ANKH: variants seen among roughly 807,000 people sequenced by gnomAD.
The protein encoded by ANKH is mineralization regulator ANKH.
Under a neutral mutation model 49.0 loss-of-function variants are expected in ANKH, and 15 were observed. The observed-to-expected ratio is 0.31, with a 90% confidence interval of 0.20 to 0.47. ANKH has a LOEUF of 0.47. ANKH is among the 20% of genes least tolerant of loss of function. ANKH has a pLI of 1.00. For synonymous variants in ANKH, 273 were observed against 260.0 expected (o/e 1.05, Z -0.48); for missense variants, 429 against 652.0 (o/e 0.66, Z 3.72).
At chr5:14,712,784 G>T in intron 11 of ANKH, 90 bp downstream of exon 11, 2 of 1,306,690 alleles carry the variant, frequency 1.5e-6, no homozygotes, top group Non-Finnish European at 2.2e-6. Flanking sequence ...ACTGACGAAC[G>T]CCACCATCCA....
At chr5:14,720,380 T>C (rs982871550) in intron 8 of ANKH, among the ~76,000 whole-genome samples, 3 of 152,214 alleles carry the variant, frequency 2.0e-5, no homozygotes, top group African/African-American at 7.2e-5. Context: ...CTGTCATCTT[T>C]TCCCACTGCA....
intron 8 of ANKH, among the ~76,000 whole-genome samples, chr5:14,728,576 G>A (rs1021353209): frequency 6.6e-6 from 1 of 152,190 alleles, no homozygotes; most frequent in Non-Finnish European, 1.5e-5. Context: ...CAAACAGGCC[G>A]TCTTTGTTCC....
intron 1 of ANKH, among the ~76,000 whole-genome samples, chr5:14,845,789 T>TA (rs1741941476): frequency 6.7e-6 from 1 of 149,026 alleles, no homozygotes; most frequent in African/African-American, 2.5e-5. Flanking sequence ...GAGCCAAAGG[T>TA]AACAGATCAC....
At chr5:14,813,377 T>C (rs79411138) in intron 1 of ANKH, among the ~76,000 whole-genome samples, 2,475 of 152,260 alleles carry the variant, frequency 0.016, 72 homozygotes, top group African/African-American at 0.057. Context: ...GCAAAAGTAC[T>C]TGCAGATTAT....
intron 1 of ANKH, among the ~76,000 whole-genome samples, chr5:14,823,055 ATTAAT>A (rs1741242405): frequency 6.6e-6 from 1 of 152,170 alleles, no homozygotes; most frequent in African/African-American, 2.4e-5. Flanking sequence ...AAATACTGTA[ATTAAT>A]TTAAGGTTAT....
At chr5:14,825,180 C>T (rs1185749834) in intron 1 of ANKH, among the ~76,000 whole-genome samples, 2 of 152,202 alleles carry the variant, frequency 1.3e-5, no homozygotes, top group African/African-American at 2.4e-5. Context: ...ACAAAAACGA[C>T]TGGGCAAATA....
At chr5:14,836,849 T>C (rs1490865122) in intron 1 of ANKH, among the ~76,000 whole-genome samples, 1 of 152,094 alleles carries the variant, frequency 6.6e-6, no homozygotes, top group African/African-American at 2.4e-5. Context: ...GGAGGCATCA[T>C]GCTACCTGAC....
Position 14,745,248 on chromosome 5 carries a change from A to G in ANKH, c.915+622T>C, listed in dbSNP as rs153926. Among the ~76,000 whole-genome samples, 28,446 of 152,246 alleles carry G rather than the reference A, an allele frequency of 0.19. 2,850 individuals carry two copies. The highest frequency in any genetic ancestry group is 0.24 in the African/African-American group (10,121 of 41,534). ...TATTAAAAAAAGTCTATAGGTTTAA[A>G]TGATAACGCTATAAAATAGACTTTA... On this transcript the variant is annotated intron_variant, in intron 7 of 11. Transcript: ENST00000284268. The surrounding 1 kb of genome is among the most constrained non-coding windows in gnomAD (Gnocchi z 4.7).
At position 14,831,232 on chromosome 5, in the gene ANKH, G is replaced by T. The variant is rs141916927; in HGVS notation, c.96+40120C>A. On this transcript the variant is annotated intron_variant, in intron 1 of 11. Coordinates refer to ENST00000284268, the MANE Select transcript of ANKH (RefSeq NM_054027.6). ...GTGAAAACTTCACAGAACCGGAATC[G>T]GACAGCCAGCCAACCCTCTGCATTC... 2.0e-5 allele frequency among the ~76,000 whole-genome samples: 3 copies of T among 152,120 alleles called. No homozygotes were observed. The East Asian group carries it at 5.8e-4, about 29-fold the overall frequency.
chr5:14,822,488 T>C (rs990586699), intron 1 of ANKH, among the ~76,000 whole-genome samples: 2 of 152,166 alleles, frequency 1.3e-5, no homozygotes, highest in Non-Finnish European at 2.9e-5. Flanking sequence ...ACCAGCAGAA[T>C]CACATAATGA....
intron 1 of ANKH, among the ~76,000 whole-genome samples, chr5:14,820,604 G>C (rs1343352295): frequency 6.6e-6 from 1 of 152,144 alleles, no homozygotes; most frequent in Non-Finnish European, 1.5e-5. Flanking sequence ...ATCAAGGGTG[G>C]GGAAATGAGG....
chr5:14,783,962 T>A (rs28108), intron 1 of ANKH, among the ~76,000 whole-genome samples: 117,286 of 152,188 alleles, frequency 0.77, 45,285 homozygotes, highest in South Asian at 0.86. Context: ...TTTCACCTAC[T>A]CGGGTAAGGG....
At chr5:14,794,651 T>C (rs984035974) in intron 1 of ANKH, among the ~76,000 whole-genome samples, 2 of 152,226 alleles carry the variant, frequency 1.3e-5, no homozygotes, top group South Asian at 2.1e-4. Context: ...TTTCTTCCAG[T>C]ACTGTTCAAT....
At chr5:14,837,704 A>AAG (rs1741695705) in intron 1 of ANKH, among the ~76,000 whole-genome samples, 1 of 152,238 alleles carries the variant, frequency 6.6e-6, no homozygotes, top group African/African-American at 2.4e-5. Context: ...ACCATTGTGG[A>AAG]AGACAGTGTG....
intron 8 of ANKH, among the ~76,000 whole-genome samples, chr5:14,731,750 T>G (rs180866639): frequency 1.1e-4 from 16 of 152,356 alleles, no homozygotes; most frequent in African/African-American, 3.8e-4. Context: ...ATGTTTATCC[T>G]GAGAACAGTG....
At chr5:14,761,185 T>C (rs796185281) in intron 2 of ANKH, among the ~76,000 whole-genome samples, 2 of 152,282 alleles carry the variant, frequency 1.3e-5, no homozygotes, top group African/African-American at 4.8e-5. Context: ...GTCTTCCTCA[T>C]ATCTCTCAGA....
chr5:14,782,366 G>C (rs1021066260), intron 1 of ANKH, among the ~76,000 whole-genome samples: 2 of 152,144 alleles, frequency 1.3e-5, no homozygotes, highest in Non-Finnish European at 2.9e-5. Context: ...CTGATGTATG[G>C]AGAGGCGAAA....
At chr5:14,755,812 C>G (rs1738867135) in intron 4 of ANKH, 49 bp downstream of exon 4, 1 of 1,547,266 alleles carries the variant, frequency 6.5e-7, no homozygotes, top group Admixed American at 1.7e-5. Flanking sequence ...GTTACACACG[C>G]CAGAAGGGGA....
Position 14,708,776 on chromosome 5 carries a change from ACT to A in ANKH, c.*2419_*2420del, listed in dbSNP as rs1737045859. 6.6e-6 allele frequency: 1 copy of A among 152,088 alleles called. No homozygotes were observed. The highest frequency in any genetic ancestry group is 2.4e-5 in the African/African-American group (1 of 41,404). 9.4% of individuals were successfully genotyped at this position (152,088 alleles called of 1,614,324 possible). On this transcript the variant is annotated 3_prime_UTR_variant, in exon 12 of 12. Coordinates refer to ENST00000284268, the MANE Select transcript of ANKH (RefSeq NM_054027.6). ...GGCATTGCTTCCTGTGTTCTCAGAA[ACT>A]CTAACCAAATATTATGGCCCACTGA...
Sources: gnomAD v4.1 joint callset for allele counts (sites outside exome capture counted in the v4.1 genomes callset) on GRCh38, gnomAD v4.1.1 for gene constraint, Gnocchi (gnomAD v3.1) non-coding constraint, MANE v1.5 for transcripts, NCBI Gene and HGNC (gene_info 2026-07-23, HGNC 2026-07-21) for gene names.